ITGAM: variants seen among roughly 807,000 people sequenced by gnomAD.
The protein encoded by ITGAM is integrin subunit alpha M, also known as integrin alpha-M.
A neutral mutation model predicts 137.5 loss-of-function variants in ITGAM; 79 were observed. That is an observed-to-expected ratio of 0.57 (90% CI 0.48 to 0.69). ITGAM has a LOEUF of 0.69. Ranked by LOEUF, ITGAM falls within the 30% of genes least tolerant of loss-of-function variation. The probability of loss-of-function intolerance (pLI) is 0.00; values close to 1 mark genes in which losing one functional copy is unlikely to be tolerated. For missense variants in ITGAM, 1,343 were observed against 1,483.5 expected, an observed-to-expected ratio of 0.91 and a Z score of 1.56; for synonymous variants, 583 against 592.3, an observed-to-expected ratio of 0.98 and a Z score of 0.23.
intron 5 of ITGAM, among the ~76,000 whole-genome samples, chr16:31,266,647 C>T (rs1239119299): frequency 6.6e-6 from 1 of 151,916 alleles, no homozygotes; most frequent in Non-Finnish European, 1.5e-5. Flanking sequence ...GAAGTTGAAG[C>T]TGCAGCAAGT....
At chr16:31,275,412 A>C (rs1328033337) in intron 8 of ITGAM, 137 bp from the exon 9 acceptor site, 4 of 909,478 alleles carry the variant, frequency 4.4e-6, no homozygotes, top group Non-Finnish European at 6.7e-6. Flanking sequence ...TATACCTGGC[A>C]ACCCTGTCCC....
At chr16:31,283,695 TTACCGATCATCTGA>T (rs1250140267) in intron 12 of ITGAM, among the ~76,000 whole-genome samples, 2 of 152,138 alleles carry the variant, frequency 1.3e-5, no homozygotes, top group Non-Finnish European at 2.9e-5. Context: ...AAGTTTGTTA[TTACCGATCATCTGA>T]AGCCTTCTCC....
chr16:31,330,020 T>C, intron 25 of ITGAM, 61 bp from the exon 26 acceptor site: 1 of 1,566,260 alleles, frequency 6.4e-7, no homozygotes, highest in Non-Finnish European at 8.7e-7. Context: ...CCATCTCACC[T>C]CCCGAGATGA....
chr16:31,302,462 T>TCTTC (rs1491551666), intron 14 of ITGAM, among the ~76,000 whole-genome samples: 2 of 94,502 alleles, frequency 2.1e-5, no homozygotes, highest in South Asian at 7.1e-4. Flanking sequence ...TTCCTTCCTT[T>TCTTC]CTTTCTTTCT....
chr16:31,280,769 T>G (rs1347082862), intron 12 of ITGAM, among the ~76,000 whole-genome samples: 1 of 152,190 alleles, frequency 6.6e-6, no homozygotes, highest in African/African-American at 2.4e-5. Flanking sequence ...ATAGGAGTGG[T>G]GAGAGAGGGC....
intron 7 of ITGAM, 53 bp from the exon 8 acceptor site, chr16:31,273,312 A>C (rs79113559): frequency 2.0e-6 from 3 of 1,505,550 alleles, no homozygotes; most frequent in Non-Finnish European, 1.8e-6. Context: ...AAAAAAAAAA[A>C]CTAGTGTGTC....
At chr16:31,261,502 T>C (rs1214510734) in intron 1 of ITGAM, among the ~76,000 whole-genome samples, 190 bp from the exon 2 acceptor site, 1 of 151,744 alleles carries the variant, frequency 6.6e-6, no homozygotes, top group Non-Finnish European at 1.5e-5. Flanking sequence ...TTTAAATTAT[T>C]ATTAGTTTTT....
At chr16:31,320,139 C>G (rs959481375) in intron 14 of ITGAM, among the ~76,000 whole-genome samples, 3 of 152,122 alleles carry the variant, frequency 2.0e-5, no homozygotes, top group African/African-American at 7.2e-5. Flanking sequence ...GTGTATATAA[C>G]TTCTAAAGGT....
chr16:31,320,997 A>AC (rs1193786672), intron 14 of ITGAM, among the ~76,000 whole-genome samples: 1 of 151,898 alleles, frequency 6.6e-6, no homozygotes, highest in Non-Finnish European at 1.5e-5. Flanking sequence ...ACAAAGTGAG[A>AC]CCCCCGTTTT....
intron 14 of ITGAM, among the ~76,000 whole-genome samples, chr16:31,314,673 A>G (rs1460983353): frequency 6.6e-6 from 1 of 152,148 alleles, no homozygotes; most frequent in Non-Finnish European, 1.5e-5. Flanking sequence ...TGATGCTTCC[A>G]GCTTTGTTGT....
chr16:31,266,862 A>ATT (rs79448805), intron 5 of ITGAM, among the ~76,000 whole-genome samples: 25 of 145,098 alleles, frequency 1.7e-4, no homozygotes, highest in Non-Finnish European at 2.4e-4. Context: ...GACTGTATGG[A>ATT]TTTTTTTTTT....
At chr16:31,290,704 A>G (rs1396798902) in intron 12 of ITGAM, among the ~76,000 whole-genome samples, 1 of 152,152 alleles carries the variant, frequency 6.6e-6, no homozygotes, top group African/African-American at 2.4e-5. Context: ...TATAATTCCT[A>G]TCCAACATTG....
At chr16:31,277,775 G>A (rs1289859124) in intron 11 of ITGAM, among the ~76,000 whole-genome samples, 192 bp from the exon 12 acceptor site, 1 of 152,158 alleles carries the variant, frequency 6.6e-6, no homozygotes, top group African/African-American at 2.4e-5. Context: ...TTATAGGTGT[G>A]AGCCACCGCA....
chr16:31,269,620 T>A (rs1205629896), intron 5 of ITGAM, among the ~76,000 whole-genome samples: 1 of 152,152 alleles, frequency 6.6e-6, no homozygotes, highest in Non-Finnish European at 1.5e-5. Context: ...GGGGGGTTTA[T>A]TTATAAAGGG....
chr16:31,317,271 G>A (rs987792127), intron 14 of ITGAM, among the ~76,000 whole-genome samples: 3 of 152,064 alleles, frequency 2.0e-5, no homozygotes, highest in African/African-American at 7.2e-5. Flanking sequence ...TAATTTCCCT[G>A]TATTTCTAGT....
At chr16:31,277,259 C>T (rs1567253383) in intron 11 of ITGAM, among the ~76,000 whole-genome samples, 2 of 151,820 alleles carry the variant, frequency 1.3e-5, no homozygotes, top group African/African-American at 4.8e-5. Flanking sequence ...TGCAATGGCA[C>T]TCGGCTCACT....
At chr16:31,307,790 T>C (rs538935401) in intron 14 of ITGAM, among the ~76,000 whole-genome samples, 2,225 of 152,226 alleles carry the variant, frequency 0.015, 69 homozygotes, top group African/African-American at 0.051. Flanking sequence ...GGGTTTGTCA[T>C]AGATAGCTCT....
rs766350479 is a variant in ITGAM at position 31,331,245 on chromosome 16, C to T, written c.3357C>T (p.Leu1119=). 3 of 1,612,722 alleles carry T rather than the reference C, an allele frequency of 1.9e-6. No homozygotes were observed. The highest frequency in any genetic ancestry group is 2.2e-5 in the South Asian group (2 of 91,044). The part of the protein sequence containing the change: ...IVGSSVGGLL[L]LALITAALYK... ...GCAGCTCTGTCGGGGGACTGCTGCT[C>T]CTGGCCCTCATCACCGCCGCGCTGT... The change falls in exon 29 of 30, where the codon CTC becomes CTT. Residue 1119 remains leucine, a synonymous_variant. Coordinates refer to ENST00000544665, the MANE Select transcript of ITGAM (RefSeq NM_000632.4).
At chr16:31,314,448 G>A (rs113429473) in intron 14 of ITGAM, among the ~76,000 whole-genome samples, 1 of 152,088 alleles carries the variant, frequency 6.6e-6, no homozygotes, top group African/African-American at 2.4e-5. Context: ...TTTTGCATAT[G>A]GCTAGCCAGT....
Sources: gnomAD v4.1 joint callset for allele counts (sites outside exome capture counted in the v4.1 genomes callset) on GRCh38, gnomAD v4.1.1 for gene constraint, MANE v1.5 for transcripts, NCBI Gene and HGNC (gene_info 2026-07-23, HGNC 2026-07-21) for gene names.